ZNF7: variants seen among roughly 807,000 people sequenced by gnomAD.
The protein encoded by ZNF7 is zinc finger protein 7, also known as C2-H2 type zinc finger protein.
A neutral mutation model predicts 12.0 loss-of-function variants in ZNF7; 10 were observed. The ratio of observed to expected loss-of-function variants is 0.83; its 90% CI spans 0.51 to 1.42. ZNF7 has a LOEUF of 1.42. Ranked by LOEUF, ZNF7 falls within the 40% of genes most tolerant of loss-of-function variation. ZNF7 has a pLI of 0.00. For synonymous variants in ZNF7, 334 were observed against 295.0 expected, an observed-to-expected ratio of 1.13 and a Z score of -1.35; for missense variants, 854 against 837.2, an observed-to-expected ratio of 1.02 and a Z score of -0.25.
chr8:144,829,376 C>T lies in ZNF7; in HGVS notation c.4-102C>T, dbSNP rs375275552. ...GGCAGAGGAGTCCTGGTGAGCGTCT[C>T]GCCCAACCCCATGGGGCAGCTGCCT... On this transcript the variant is annotated intron_variant, in intron 2 of 4. Transcript: ENST00000532777. 7.9e-5 allele frequency: 125 copies of T among 1,576,098 alleles called. 1 individual carries two copies. In the East Asian group the frequency reaches 8.3e-4, roughly 10 times the overall value.
intron 3 of ZNF7, chr8:144,836,465 T>G (rs1829001620): frequency 6.6e-6 from 1 of 152,278 alleles, no homozygotes; most frequent in African/African-American, 2.4e-5. Context: ...AGCACCATTT[T>G]GTGGTGAGTT....
Position 144,843,325 on chromosome 8 carries a change from T to G in ZNF7, c.*157T>G, listed in dbSNP as rs2722488. 5.6e-4 allele frequency: 515 copies of G among 926,698 alleles called. 5 individuals are homozygous for G. The highest frequency in any genetic ancestry group is 3.9e-3 in the East Asian group (143 of 36,410). 57.4% of individuals were successfully genotyped at this position (926,698 alleles called of 1,614,324 possible). On this transcript the variant is annotated 3_prime_UTR_variant, in exon 5 of 5. Transcript: ENST00000532777. ...CAACTTCAGGCCGAGTGTGGTGGCT[T>G]ATGCCTGTCATCCCAGCACTTTGGG...
chr8:144,842,914 C>T lies in ZNF7; in HGVS notation c.1807C>T (p.His603Tyr). 6.2e-7 allele frequency: 1 copy of T among 1,614,154 alleles called. No homozygotes were observed. Among genetic ancestry groups the T allele is most frequent in the African/African-American group, 1.3e-5 (1 of 75,048 alleles). Residue 603 changes from histidine (H) to tyrosine (Y), a missense_variant, in exon 5 of 5, where the codon CAC becomes TAC. Coordinates refer to ENST00000532777, the MANE Select transcript of ZNF7 (RefSeq NM_003416.4). ...SSYLIEHQRI[H>Y]TRAQWFYEYG... ...ATATCTTATTGAACACCAGAGAATA[C>T]ACACTAGGGCCCAGTGGTTTTACGA...
rs751043976 is a variant in ZNF7 at position 144,829,471 on chromosome 8, C to T, written c.4-7C>T. On this transcript the variant is annotated splice_region_variant and splice_polypyrimidine_tract_variant and intron_variant, in intron 2 of 4. Transcript: ENST00000532777. ...GATTCCTGGGGTGCTGGTGTGTGTC[C>T]TTTCAGGAGGTGGTAACATTTGGCG... is the stretch of plus-strand genomic sequence containing the variant. 6.2e-7 allele frequency: 1 copy of T among 1,614,010 alleles called. No homozygotes were observed. The highest frequency in any genetic ancestry group is 1.1e-5 in the South Asian group (1 of 91,074).
At chr8:144,844,899 G>A (rs368009524), downstream of ZNF7, among the ~76,000 whole-genome samples, 227 of 151,604 alleles carry the variant, frequency 1.5e-3, 9 homozygotes, top group South Asian at 0.045. Context: ...AGAGGGAGTG[G>A]GGAAAGAGGA....
chr8:144,840,729 C>T (rs1020397491), intron 4 of ZNF7, among the ~76,000 whole-genome samples: 6 of 152,084 alleles, frequency 3.9e-5, no homozygotes, highest in South Asian at 2.1e-4. Context: ...GAGGTGGCCA[C>T]GCACAGCCCA....
intron 4 of ZNF7, chr8:144,838,085 C>T (rs759851454): frequency 1.3e-5 from 9 of 702,872 alleles, no homozygotes; most frequent in East Asian, 8.0e-5. Flanking sequence ...AGGGAAGGAT[C>T]CTGTCCTGCC....
Position 144,841,442 on chromosome 8 carries a change from C to A in ZNF7, c.335C>A (p.Ser112Tyr). The A allele has an allele frequency of 6.2e-7, 1 of 1,614,210 alleles. No individual in the cohort carries two copies. The highest frequency in any genetic ancestry group is 8.5e-7 in the Non-Finnish European group (1 of 1,180,026). ...SESYGTVVRI[S>Y]PQDFPQNPGF... ...TCCTATGGGACAGTGGTCAGAATCTCCCCACAGGACTTTCCTCAGAATCCT... is the reference window on the plus strand; with the variant it reads ...TCCTATGGGACAGTGGTCAGAATCTACCCACAGGACTTTCCTCAGAATCCT... Residue 112 changes from serine (S) to tyrosine (Y), a missense_variant, in exon 5 of 5, where the codon TCC (serine) becomes TAC (tyrosine). Ser to Tyr is a moderately radical substitution (Grantham distance 144, BLOSUM62 -2). Coordinates refer to ENST00000532777, the MANE Select transcript of ZNF7 (RefSeq NM_003416.4).
chr8:144,833,121 C>T (rs1293950588), intron 3 of ZNF7, among the ~76,000 whole-genome samples: 1 of 149,026 alleles, frequency 6.7e-6, no homozygotes, highest in Non-Finnish European at 1.5e-5. Flanking sequence ...TCGCTTGAAC[C>T]TGGGAGGTTG....
chr8:144,841,935 A>G lies in ZNF7; in HGVS notation c.828A>G (p.Lys276=). 6.2e-7 allele frequency: 1 copy of G among 1,613,872 alleles called. No homozygotes were observed. The highest frequency in any genetic ancestry group is 8.5e-7 in the Non-Finnish European group (1 of 1,179,968). ...ATCAGAGAATCCACACGGGAGAGAAACCCTTTAAATGCACTGAGTGTGGAA... is the reference window on the plus strand; with the variant it reads ...ATCAGAGAATCCACACGGGAGAGAAGCCCTTTAAATGCACTGAGTGTGGAA... The part of the protein sequence containing the change: ...NQHQRIHTGE[K]PFKCTECGKA... Residue 276 remains lysine, a synonymous_variant, in exon 5 of 5, where the codon AAA becomes AAG. Transcript: ENST00000532777.
rs1294889060 is a variant in ZNF7, at chr8:144,841,944, A to G, written c.837A>G (p.Lys279=). 1.2e-6 allele frequency: 2 copies of G among 1,614,036 alleles called. No individual in the cohort carries two copies. Among genetic ancestry groups the G allele is most frequent in the African/African-American group, 1.3e-5 (1 of 74,990 alleles). ...QRIHTGEKPF[K]CTECGKAFRL... ...TCCACACGGGAGAGAAACCCTTTAA[A>G]TGCACTGAGTGTGGAAAAGCCTTCC... The change falls in exon 5 of 5, where the codon AAA becomes AAG. Residue 279 remains lysine (K), a synonymous_variant. Transcript: ENST00000532777.
At chr8:144,834,293 G>A (rs185680539) in intron 3 of ZNF7, 2 of 152,306 alleles carry the variant, frequency 1.3e-5, no homozygotes, top group Admixed American at 1.3e-4. Flanking sequence ...AATCAGTGTT[G>A]CTCGGTGATT....
intron 1 of ZNF7, among the ~76,000 whole-genome samples, chr8:144,828,406 A>G (rs974584649): frequency 6.6e-5 from 10 of 151,798 alleles, no homozygotes; most frequent in African/African-American, 2.4e-4. Flanking sequence ...ACAGTTTGTC[A>G]TTTTTGCTCC....
chr8:144,844,504 A>T (rs1266048085), downstream of ZNF7, among the ~76,000 whole-genome samples: 2 of 151,370 alleles, frequency 1.3e-5, no homozygotes, highest in African/African-American at 4.9e-5. Flanking sequence ...AGGTCAGGAG[A>T]TGAAGACCAT....
chr8:144,839,636 A>C (rs957641171), intron 4 of ZNF7, among the ~76,000 whole-genome samples: 2 of 152,274 alleles, frequency 1.3e-5, no homozygotes, highest in Non-Finnish European at 2.9e-5. Context: ...TGATGGACCC[A>C]GCACTTGCTC....
chr8:144,843,064 CAGAGAATTCA>C lies in ZNF7; in HGVS notation c.1958_1967del (p.Gln653ProfsTer42), dbSNP rs1563847327. ...GTGGCGTTCACACCTAATTATACAC[CAGAGAATTCA>C]CACCGGGGAGAAGCCTTATAAATGC... On this transcript the variant is annotated frameshift_variant, in exon 5 of 5. Coordinates refer to ENST00000532777, the MANE Select transcript of ZNF7 (RefSeq NM_003416.4). LOFTEE classifies it low-confidence loss of function (END_TRUNC). 6.2e-7 allele frequency: 1 copy of C among 1,614,040 alleles called. No individual in the cohort carries two copies. Among genetic ancestry groups the C allele is most frequent in the Non-Finnish European group, 8.5e-7 (1 of 1,180,000 alleles).
intron 1 of ZNF7, 137 bp downstream of exon 1, chr8:144,827,746 G>A (rs1242532217): frequency 1.1e-6 from 1 of 940,628 alleles, no homozygotes; most frequent in Non-Finnish European, 1.3e-6. Context: ...CGGGGGCTTT[G>A]CGGGGCCTTG....
chr8:144,833,411 T>A (rs1315775134), intron 3 of ZNF7, among the ~76,000 whole-genome samples: 1 of 151,694 alleles, frequency 6.6e-6, no homozygotes, highest in Non-Finnish European at 1.5e-5. Context: ...CCCTGTCACC[T>A]GGGCTGGAGT....
At chr8:144,837,093 C>T (rs1829094221) in intron 3 of ZNF7, 3 of 243,642 alleles carry the variant, frequency 1.2e-5, no homozygotes, top group African/African-American at 2.2e-5. Context: ...TTCTCTTTCC[C>T]GAGTTCCAGG....
Sources: gnomAD v4.1 joint callset for allele counts (sites outside exome capture counted in the v4.1 genomes callset) on GRCh38, gnomAD v4.1.1 for gene constraint, MANE v1.5 for transcripts, NCBI Gene and HGNC (gene_info 2026-07-23, HGNC 2026-07-21) for gene names.